Variants in RRM2B observed in about 807,000 individuals in gnomAD.
RRM2B encodes ribonucleotide reductase regulatory TP53 inducible subunit M2B.
RRM2B carries 20 observed loss-of-function variants against 45.9 expected under a neutral mutation model. The ratio of observed to expected loss-of-function variants is 0.44; its 90% CI spans 0.31 to 0.63. The LOEUF (loss-of-function observed/expected upper bound fraction) is 0.63. RRM2B is among the 30% of genes least tolerant of loss of function. The pLI, the probability that RRM2B is intolerant of heterozygous loss-of-function variation, is 0.09. For missense variants in RRM2B, 320 were observed against 414.7 expected, an observed-to-expected ratio of 0.77 and a Z score of 1.98; for synonymous variants, 124 against 132.3, an observed-to-expected ratio of 0.94 and a Z score of 0.43.
intron 2 of RRM2B, among the ~76,000 whole-genome samples, chr8:102,229,168 G>A (rs1309504232): frequency 2.0e-5 from 3 of 152,076 alleles, no homozygotes; most frequent in African/African-American, 4.8e-5. Flanking sequence ...CAGGAGAATC[G>A]CTTGAACCCA....
At chr8:102,213,972 G>T in intron 7 of RRM2B, 82 bp downstream of exon 7, 1 of 956,774 alleles carries the variant, frequency 1.0e-6, no homozygotes. Flanking sequence ...TTGACCTACA[G>T]AATTTCTTAT....
At chr8:102,228,005 C>T (rs549291189) in intron 2 of RRM2B, among the ~76,000 whole-genome samples, 3 of 152,280 alleles carry the variant, frequency 2.0e-5, no homozygotes, top group South Asian at 2.1e-4. Context: ...TGGTCCCCAG[C>T]GAGGACTCCA....
chr8:102,230,743 T>C (rs1811013025), intron 2 of RRM2B, among the ~76,000 whole-genome samples: 1 of 152,248 alleles, frequency 6.6e-6, no homozygotes, highest in Non-Finnish European at 1.5e-5. Flanking sequence ...CCTTCTGATT[T>C]CTAGGTTAAA....
chr8:102,210,518 A>G (rs1810617540), intron 8 of RRM2B, among the ~76,000 whole-genome samples: 1 of 151,940 alleles, frequency 6.6e-6, no homozygotes, highest in South Asian at 2.1e-4. Context: ...GCTGGAGTGC[A>G]ATGGCACAAT....
At chr8:102,221,406 C>G (rs1208087199) in intron 5 of RRM2B, among the ~76,000 whole-genome samples, 1 of 152,160 alleles carries the variant, frequency 6.6e-6, no homozygotes, top group Non-Finnish European at 1.5e-5. Flanking sequence ...CAACTTAGAG[C>G]TACTAATGGT....
In RRM2B at chr8:102,232,584, C is replaced by CT. The variant is rs564278227; in HGVS notation, c.49-281_49-280insA. Among the ~76,000 whole-genome samples, 11 of 152,232 alleles carry CT rather than the reference C, an allele frequency of 7.2e-5. No homozygotes were observed. The East Asian group carries it at 2.1e-3, about 29-fold the overall frequency. ...ATGATTAAAAGTGCTTTAAACAAAG[C>CT]CTGGTATATAGTAAGCACTCAAAAA... On this transcript the variant is annotated intron_variant, in intron 1 of 8. Transcript: ENST00000251810.
chr8:102,217,652 G>C (rs1810753434), intron 6 of RRM2B, among the ~76,000 whole-genome samples: 1 of 152,146 alleles, frequency 6.6e-6, no homozygotes, highest in Non-Finnish European at 1.5e-5. Flanking sequence ...CCTGCACTAA[G>C]GAGCTTAAAG....
At chr8:102,235,117 T>C (rs1460978409) in intron 1 of RRM2B, among the ~76,000 whole-genome samples, 3 of 152,190 alleles carry the variant, frequency 2.0e-5, no homozygotes, top group Non-Finnish European at 2.9e-5. Flanking sequence ...ATCAGATATA[T>C]CTTTTAAGAT....
chr8:102,223,208 T>C (rs1237506152), intron 5 of RRM2B, among the ~76,000 whole-genome samples: 4 of 152,212 alleles, frequency 2.6e-5, no homozygotes, highest in African/African-American at 9.6e-5. Flanking sequence ...TAAGACATAA[T>C]ATGATACACT....
chr8:102,211,454 T>C (rs1167166110), intron 8 of RRM2B, among the ~76,000 whole-genome samples: 7 of 152,226 alleles, frequency 4.6e-5, no homozygotes, highest in African/African-American at 9.6e-5. Context: ...AAGTTTTACA[T>C]TGTGTTTAGA....
intron 2 of RRM2B, 113 bp from the exon 3 acceptor site, chr8:102,226,147 G>C: frequency 2.8e-6 from 2 of 707,604 alleles, no homozygotes. Context: ...GTAAACTATG[G>C]AAAAAGAAAG....
chr8:102,211,059 T>G (rs1453386056), intron 8 of RRM2B, among the ~76,000 whole-genome samples: 1 of 152,170 alleles, frequency 6.6e-6, no homozygotes, highest in Non-Finnish European at 1.5e-5. Context: ...TTGCTCAGGC[T>G]GGAGTGCCGT....
chr8:102,208,148 C>T lies in RRM2B; in HGVS notation c.1041G>A (p.Leu347=). The T allele has an allele frequency of 6.2e-7, 1 of 1,613,078 alleles. No individual in the cohort carries two copies. The highest frequency in any genetic ancestry group is 8.5e-7 in the Non-Finnish European group (1 of 1,179,322). The change falls in exon 9 of 9, where the codon TTG becomes TTA. Residue 347 remains leucine (L), a synonymous_variant. Transcript: ENST00000251810. ...GAGAGGTTTTTTAAAAATCTGCATC[C>T]AAGGTGAAGACGTTATCTGTGGTTT... is the stretch of plus-strand genomic sequence containing the variant. The part of the protein sequence containing the change: ...MAETTDNVFT[L]DADF
At chr8:102,230,266 GTTTGA>G (rs1023253218) in intron 2 of RRM2B, among the ~76,000 whole-genome samples, 2 of 152,134 alleles carry the variant, frequency 1.3e-5, no homozygotes, top group Non-Finnish European at 2.9e-5. Flanking sequence ...CTAAAAATGT[GTTTGA>G]TTTATCTTCA....
chr8:102,236,405 T>C (rs973557797), intron 1 of RRM2B, among the ~76,000 whole-genome samples: 1 of 152,074 alleles, frequency 6.6e-6, no homozygotes, highest in Non-Finnish European at 1.5e-5. Context: ...AAACCACGTA[T>C]AGGATTAATT....
intron 6 of RRM2B, among the ~76,000 whole-genome samples, chr8:102,215,889 G>T (rs763154069): frequency 7.8e-5 from 11 of 141,570 alleles, no homozygotes; most frequent in Non-Finnish European, 1.3e-4. Flanking sequence ...AAGCTACAGT[G>T]AGCCAGGATC....
At chr8:102,218,677 G>A (rs1199704639) in intron 6 of RRM2B, 137 bp downstream of exon 6, 2 of 698,896 alleles carry the variant, frequency 2.9e-6, no homozygotes, top group Non-Finnish European at 4.8e-6. Flanking sequence ...AGCAAGCCAT[G>A]ATCGTGCCAC....
At chr8:102,209,583 A>C (rs28927375) in intron 8 of RRM2B, among the ~76,000 whole-genome samples, 4 of 152,240 alleles carry the variant, frequency 2.6e-5, no homozygotes, top group Admixed American at 2.0e-4. Context: ...TAGTTCTTCT[A>C]ATGATTAAAC....
Position 102,207,397 on chromosome 8 carries a change from C to T in RRM2B, c.*736G>A, listed in dbSNP as rs1418439239. The T allele has an allele frequency of 6.6e-6, 1 of 152,126 alleles. No homozygotes were observed. The highest frequency in any genetic ancestry group is 1.5e-5 in the Non-Finnish European group (1 of 68,010). 9.4% of individuals were successfully genotyped at this position (152,126 alleles called of 1,614,324 possible). A position where few individuals can be genotyped will look rare whatever the true frequency, so the allele number is the denominator to read the frequency against. On this transcript the variant is annotated 3_prime_UTR_variant, in exon 9 of 9. Coordinates refer to ENST00000251810, the MANE Select transcript of RRM2B (RefSeq NM_015713.5). ...TAATTTCTGAAGAAGAATCATTTTTCTTATAAGGTCAACTACCATGATAAC... is the reference window on the plus strand; with the variant it reads ...TAATTTCTGAAGAAGAATCATTTTTTTTATAAGGTCAACTACCATGATAAC...
Sources: gnomAD v4.1 joint callset for allele counts (sites outside exome capture counted in the v4.1 genomes callset) on GRCh38, gnomAD v4.1.1 for gene constraint, MANE v1.5 for transcripts, NCBI Gene and HGNC (gene_info 2026-07-23, HGNC 2026-07-21) for gene names.